Variants in ADAM17 observed in about 807,000 individuals in gnomAD.
ADAM17 encodes the protein ADAM metallopeptidase domain 17, also known as disintegrin and metalloproteinase domain-containing protein 17.
ADAM17 carries 39 observed loss-of-function variants against 96.7 expected under a neutral mutation model. The observed-to-expected ratio is 0.40, with a 90% CI of 0.31 to 0.53. The LOEUF (loss-of-function observed/expected upper bound fraction) is 0.53. Among genes scored for constraint, ADAM17 ranks in the 20% least tolerant of loss-of-function variants. ADAM17 has a pLI of 0.44. For missense variants in ADAM17, 777 were observed against 1,013.2 expected (o/e 0.77, Z 3.17); for synonymous variants, 344 against 359.2 (o/e 0.96, Z 0.48).
At position 9,555,695 on chromosome 2, in the gene ADAM17, TCCG is replaced by T; in HGVS notation, c.-93_-91del. 1 of 1,140,726 alleles carries T rather than the reference TCCG, an allele frequency of 8.8e-7. No individual in the cohort carries two copies. The highest frequency in any genetic ancestry group is 1.2e-6 in the Non-Finnish European group (1 of 822,508). The allele number at this position is 1,140,726 out of a possible 1,614,324, so 70.7% of individuals were successfully genotyped here. A position where few individuals can be genotyped will look rare whatever the true frequency, so the allele number is the denominator to read the frequency against. On this transcript the variant is annotated 5_prime_UTR_variant, in exon 1 of 19. Transcript: ENST00000310823. ...CTGCTCACATCGGGGGAGGACGGGA[TCCG>T]CCCGGCCTAGCCCCTCAATCCTCTT...
chr2:9,521,408 T>C, intron 7 of ADAM17, 92 bp from the exon 8 acceptor site: 1 of 934,624 alleles, frequency 1.1e-6, no homozygotes, highest in Non-Finnish European at 1.6e-6. Context: ...AAAAAAAGAA[T>C]CGTTCTAGAA....
At chr2:9,543,007 A>G in intron 2 of ADAM17, 146 bp downstream of exon 2, 2 of 1,091,808 alleles carry the variant, frequency 1.8e-6, no homozygotes. Context: ...CCCAGTATGA[A>G]TTTTAGAATA....
rs184686636 is a variant in ADAM17 at position 9,495,008 on chromosome 2, T to C, written c.1784-241A>G. On this transcript the variant is annotated intron_variant, in intron 14 of 18. Transcript: ENST00000310823. ...AATGCAGAGAAAAATCCATTCTAGA[T>C]TCAAGACCTCTCTTCAAAGTCTAAC... The C allele has an allele frequency of 2.0e-3, 797 of 393,164 alleles. 5 individuals are homozygous for C. The highest frequency in any genetic ancestry group is 0.016 in the African/African-American group (756 of 48,750). The allele number at this position is 393,164 out of a possible 1,614,324, so 24.4% of individuals were successfully genotyped here. A position where few individuals can be genotyped will look rare whatever the true frequency, so the allele number is the denominator to read the frequency against.
chr2:9,515,476 C>G (rs147224166), intron 10 of ADAM17, among the ~76,000 whole-genome samples: 1 of 152,070 alleles, frequency 6.6e-6, no homozygotes, highest in African/African-American at 2.4e-5. Flanking sequence ...GTGGCTCACA[C>G]CCGTAATCCC....
chr2:9,492,962 A>G lies in ADAM17; in HGVS notation c.2018T>C (p.Val673Ala). ...CAAGGAGAAAACCAGGACAGACCCA[A>G]CGATGTTGTCTGCTAAAAACTTTCC... ...TFGKFLADNI[V>A]GSVLVFSLIF... Residue 673 changes from valine (V) to alanine (A), a missense_variant, in exon 17 of 19, where the codon GTT becomes GCT. By Grantham distance (64) the Val-to-Ala change is moderately conservative (BLOSUM62 0). This residue lies in a region of ADAM17 where 197 missense variants were observed against 219.4 expected (regional missense o/e 0.90). Coordinates refer to ENST00000310823, the MANE Select transcript of ADAM17 (RefSeq NM_003183.6). 2 of 1,612,118 alleles carry G rather than the reference A, an allele frequency of 1.2e-6. No individual in the cohort carries two copies. Among genetic ancestry groups the G allele is most frequent in the South Asian group, 1.1e-5 (1 of 90,732 alleles).
At position 9,535,889 on chromosome 2, in the gene ADAM17, C is replaced by G. The variant is rs935773047; in HGVS notation, c.395G>C (p.Arg132Thr). The change falls in exon 4 of 19, where the codon AGA (arginine) becomes ACA (threonine). Residue 132 changes from arginine (R) to threonine (T), a missense_variant. Physicochemically the swap from Arg to Thr is moderately conservative, Grantham distance 71. Coordinates refer to ENST00000310823, the MANE Select transcript of ADAM17 (RefSeq NM_003183.6). ...EPDSRVLAHI[R>T]DDDVIIRINT... ...GATTCTGATTATAACATCATCATCT[C>G]TTATGTGGGCTAGAACCCTAGAGTC... 19 of 1,605,638 alleles carry G rather than the reference C, an allele frequency of 1.2e-5. No homozygotes were observed. The highest frequency in any genetic ancestry group is 1.6e-5 in the Non-Finnish European group (19 of 1,175,824).
intron 13 of ADAM17, among the ~76,000 whole-genome samples, chr2:9,500,418 A>C (rs1432706580): frequency 6.6e-6 from 1 of 152,216 alleles, no homozygotes; most frequent in East Asian, 1.9e-4. Flanking sequence ...GGGGGATTGG[A>C]GGATCATAGC....
chr2:9,536,642 G>A, intron 3 of ADAM17, 56 bp downstream of exon 3: 1 of 1,600,320 alleles, frequency 6.2e-7, no homozygotes, highest in African/African-American at 1.3e-5. Context: ...AATCAAGTTA[G>A]ATTTGGAGAC....
Position 9,523,351 on chromosome 2 carries a change from A to G in ADAM17, c.754-13T>C. 1 of 1,565,606 alleles carries G rather than the reference A, an allele frequency of 6.4e-7. No homozygotes were observed. The highest frequency in any genetic ancestry group is 1.1e-5 in the South Asian group (1 of 89,310). On this transcript the variant is annotated splice_polypyrimidine_tract_variant and intron_variant, in intron 6 of 18. Transcript: ENST00000310823. ...CAATTAGCTCTATCTGTGTGTATTT[A>G]AAAAAGAAAAAAGACATTATGTAAC...
At chr2:9,520,903 G>C (rs890248040) in intron 8 of ADAM17, among the ~76,000 whole-genome samples, 1 of 135,612 alleles carries the variant, frequency 7.4e-6, no homozygotes, top group African/African-American at 2.7e-5. Flanking sequence ...GATGGAGGTT[G>C]CGGTGAGCCA....
intron 13 of ADAM17, among the ~76,000 whole-genome samples, chr2:9,500,939 T>TA (rs1350658641): frequency 2.0e-5 from 3 of 152,190 alleles, no homozygotes; most frequent in Non-Finnish European, 2.9e-5. Context: ...CTGTGGAAAA[T>TA]ATCTTTTTAA....
chr2:9,491,192 A>AT lies in ADAM17; in HGVS notation c.2083-42dup, dbSNP rs764325373. The AT allele has an allele frequency of 1.9e-5, 30 of 1,571,900 alleles. No homozygotes were observed. In the African/African-American group the frequency reaches 3.7e-4, roughly 19 times the overall value. ...AAGAAGGTCATTCCCTACAAATACA[A>AT]TTCAGTTAGTGAGTACTATTTCATC... On this transcript the variant is annotated intron_variant, in intron 17 of 18. Coordinates refer to ENST00000310823, the MANE Select transcript of ADAM17 (RefSeq NM_003183.6).
At position 9,489,930 on chromosome 2, in the gene ADAM17, G is replaced by T. The variant is rs946936013; in HGVS notation, c.*247C>A. ...TGTATTTTCTGCTTTTGCACCACAGGTCAAAAGATATTTTAAAAACTAAAA... is the reference window on the plus strand; with the variant it reads ...TGTATTTTCTGCTTTTGCACCACAGTTCAAAAGATATTTTAAAAACTAAAA... On this transcript the variant is annotated 3_prime_UTR_variant, in exon 19 of 19. Coordinates refer to ENST00000310823, the MANE Select transcript of ADAM17 (RefSeq NM_003183.6). The T allele has an allele frequency of 1.6e-5, 7 of 427,570 alleles. No individual in the cohort carries two copies. The highest frequency in any genetic ancestry group is 1.7e-5 in the Non-Finnish European group (4 of 239,732). 26.5% of individuals were successfully genotyped at this position (427,570 alleles called of 1,614,324 possible).
At chr2:9,535,755 T>C in intron 4 of ADAM17, 79 bp downstream of exon 4, 1 of 885,264 alleles carries the variant, frequency 1.1e-6, no homozygotes, top group Non-Finnish European at 1.7e-6. Context: ...TATAATTACT[T>C]TTCACCTTTG....
intron 14 of ADAM17, among the ~76,000 whole-genome samples, chr2:9,495,814 T>C (rs1239548795): frequency 6.6e-6 from 1 of 152,042 alleles, no homozygotes; most frequent in Non-Finnish European, 1.5e-5. Context: ...CCCAAGCCTC[T>C]TGGCATTCAA....
intron 8 of ADAM17, among the ~76,000 whole-genome samples, chr2:9,518,680 G>A (rs1664179605): frequency 6.6e-6 from 1 of 152,052 alleles, no homozygotes; most frequent in South Asian, 2.1e-4. Flanking sequence ...ACTTTTTTGA[G>A]CTTCATAATA....
intron 14 of ADAM17, among the ~76,000 whole-genome samples, chr2:9,496,909 C>G (rs1053779985): frequency 1.3e-5 from 2 of 152,220 alleles, no homozygotes; most frequent in Non-Finnish European, 2.9e-5. Context: ...AGAAGAAACA[C>G]CAACAGGATA....
intron 2 of ADAM17, among the ~76,000 whole-genome samples, chr2:9,541,883 A>T (rs1343692158): frequency 1.3e-5 from 2 of 152,072 alleles, no homozygotes; most frequent in African/African-American, 2.4e-5. Context: ...TACTAAAAAT[A>T]ACAAAAATCA....
intron 17 of ADAM17, among the ~76,000 whole-genome samples, chr2:9,491,751 C>A (rs1349480248): frequency 6.6e-6 from 1 of 152,186 alleles, no homozygotes; most frequent in Non-Finnish European, 1.5e-5. Flanking sequence ...GGGCAAGGAC[C>A]AAGAATCCAG....
Sources: allele counts gnomAD v4.1 joint callset (sites outside exome capture counted in the v4.1 genomes callset), GRCh38; gene constraint gnomAD v4.1.1; regional missense constraint gnomAD v4.1.1; transcripts MANE v1.5; gene names NCBI Gene and HGNC (gene_info 2026-07-23, HGNC 2026-07-21).